Variants in SOD2 observed in about 807,000 individuals in gnomAD.
The protein encoded by SOD2 is superoxide dismutase [Mn], mitochondrial.
Under a neutral mutation model 27.0 loss-of-function variants are expected in SOD2, and 11 were observed. That is an observed-to-expected ratio of 0.41 (90% CI 0.26 to 0.67). The LOEUF is 0.67. SOD2 is among the 30% of genes least tolerant of loss of function. The pLI is 0.34. For synonymous variants in SOD2, 105 were observed against 103.0 expected, an observed-to-expected ratio of 1.02 and a Z score of -0.12; for missense variants, 250 against 274.5, an observed-to-expected ratio of 0.91 and a Z score of 0.63.
upstream of SOD2, among the ~76,000 whole-genome samples, chr6:159,693,571 C>G (rs748425496): frequency 1.1e-3 from 163 of 152,332 alleles, 1 homozygote; most frequent in Non-Finnish European, 1.6e-3. Flanking sequence ...GGCCCTGCCT[C>G]CGGCTCCGCC....
At chr6:159,748,134 CCTT>C, upstream of SOD2, 2 of 1,536,496 alleles carry the variant, frequency 1.3e-6, no homozygotes, top group Non-Finnish European at 1.8e-6. This position sits in a 1 kb window ranked among gnomAD's most constrained non-coding sequence, Gnocchi z 5.6. Context: ...GTTTTCCCCA[CCTT>C]CTTATGTATG....
upstream of SOD2, among the ~76,000 whole-genome samples, chr6:159,746,877 T>C (rs956883456): frequency 6.6e-6 from 1 of 152,202 alleles, no homozygotes; most frequent in Non-Finnish European, 1.5e-5. Flanking sequence ...GTGTTGACTA[T>C]TGGGTCTTTG....
upstream of SOD2, among the ~76,000 whole-genome samples, chr6:159,729,078 C>CA (rs1286318926): frequency 1.3e-5 from 2 of 152,156 alleles, no homozygotes; most frequent in Non-Finnish European, 2.9e-5. Context: ...AGATGAAACA[C>CA]AATGTGTAAA....
rs1284103730 is a variant in SOD2, at chr6:159,673,489, G to GA, written c.*9003dup. 7.9e-5 allele frequency: 12 copies of GA among 152,124 alleles called. No individual in the cohort carries two copies. The highest frequency in any genetic ancestry group is 5.2e-4 in the Admixed American group (8 of 15,250). 9.4% of individuals were successfully genotyped at this position (152,124 alleles called of 1,614,324 possible). ...CATGGAAACTGAACAACCTGCTCCT[G>GA]AATGACTACTGGGTACATAACAAAA... On this transcript the variant is annotated 3_prime_UTR_variant, in exon 5 of 5. Transcript: ENST00000538183.
At chr6:159,736,201 C>G in intron 1 of SOD2, 7 of 1,535,168 alleles carry the variant, frequency 4.6e-6, no homozygotes, top group Non-Finnish European at 6.2e-6. Context: ...ATTTTTTATT[C>G]CTACTTTCAC....
chr6:159,737,773 A>G (rs1180601546), intron 1 of SOD2, among the ~76,000 whole-genome samples: 2 of 152,238 alleles, frequency 1.3e-5, no homozygotes, highest in Admixed American at 6.5e-5. Context: ...GGCATGAGCC[A>G]CAATGCCCAG....
intron 1 of SOD2, chr6:159,742,130 G>A: frequency 1.2e-6 from 2 of 1,608,010 alleles, no homozygotes; most frequent in South Asian, 1.1e-5. Flanking sequence ...TGGAGGGCAA[G>A]TACACAGATC....
At chr6:159,727,003 T>G (rs1486721439) in intron 1 of SOD2, 2 of 1,264,122 alleles carry the variant, frequency 1.6e-6, no homozygotes. Context: ...CCCAGATCCC[T>G]CCGCACGAGG....
In SOD2 at chr6:159,739,372, G is replaced by A. The variant is rs531834401; in HGVS notation, c.-116+5758C>T. Among the ~76,000 whole-genome samples the A allele has an allele frequency of 1.2e-3, 178 of 152,274 alleles. 4 individuals are homozygous for A. Among genetic ancestry groups the A allele is most frequent in the South Asian group, 7.7e-3 (37 of 4,824 alleles). On this transcript the variant is annotated intron_variant, in intron 1 of 3. Coordinates refer to the SOD2 transcript ENST00000537657. ...TGGAAGAAATACATAATTTACTAATGAAGTGAGGTTACTTTTTCTTATTAG... is the reference window on the plus strand; with the variant it reads ...TGGAAGAAATACATAATTTACTAATAAAGTGAGGTTACTTTTTCTTATTAG...
At chr6:159,688,908 AAC>A (rs1481771859) in intron 2 of SOD2, among the ~76,000 whole-genome samples, 1 of 152,176 alleles carries the variant, frequency 6.6e-6, no homozygotes, top group Non-Finnish European at 1.5e-5. Context: ...AAAAAAATAA[AAC>A]ACAAGCAGAA....
At chr6:159,691,825 T>C (rs530723112) in intron 2 of SOD2, 1 of 152,294 alleles carries the variant, frequency 6.6e-6, no homozygotes, top group South Asian at 2.1e-4. Flanking sequence ...ACTAAAGGGC[T>C]ATTTTCCTTG....
At position 159,682,761 on chromosome 6, in the gene SOD2, T is replaced by G. The variant is rs1481066382; in HGVS notation, c.524-123A>C. 3 of 891,396 alleles carry G rather than the reference T, an allele frequency of 3.4e-6. No individual in the cohort carries two copies. In the East Asian group the frequency reaches 9.0e-5, roughly 27 times the overall value. 55.2% of individuals were successfully genotyped at this position (891,396 alleles called of 1,614,324 possible). A position where few individuals can be genotyped will look rare whatever the true frequency, so the allele number is the denominator to read the frequency against. On this transcript the variant is annotated intron_variant, in intron 4 of 4. Coordinates refer to ENST00000538183, the MANE Select transcript of SOD2 (RefSeq NM_000636.4). ...TACCCTTTGTAACAATCTCATTCAC[T>G]TGTTTTTTTATATAAGTAGGAAATC...
chr6:159,707,806 C>G (rs1777655980), intron 1 of SOD2, among the ~76,000 whole-genome samples: 3 of 151,934 alleles, frequency 2.0e-5, no homozygotes, highest in South Asian at 4.2e-4. Flanking sequence ...CTGGCAGAGA[C>G]ACAACAAAAA....
At chr6:159,724,292 C>T (rs780484410) in intron 1 of SOD2, among the ~76,000 whole-genome samples, 5 of 152,192 alleles carry the variant, frequency 3.3e-5, no homozygotes, top group Non-Finnish European at 7.3e-5. Flanking sequence ...CGGCCCTTTT[C>T]TGAACTTCTT....
chr6:159,687,399 T>G (rs1246385866), intron 3 of SOD2, among the ~76,000 whole-genome samples: 2 of 151,472 alleles, frequency 1.3e-5, no homozygotes, highest in African/African-American at 4.8e-5. Flanking sequence ...ACACAAGAAT[T>G]GCATGAACCT....
chr6:159,708,180 T>C (rs577273542), intron 1 of SOD2, among the ~76,000 whole-genome samples: 48 of 152,172 alleles, frequency 3.2e-4, no homozygotes, highest in African/African-American at 8.4e-4. Flanking sequence ...TGGGCAAAAA[T>C]TGGAAGCATT....
At chr6:159,712,150 AGCTG>A (rs1777805567) in intron 1 of SOD2, among the ~76,000 whole-genome samples, 2 of 34,076 alleles carry the variant, frequency 5.9e-5, no homozygotes, top group African/African-American at 1.1e-4. Context: ...ACCACCACTC[AGCTG>A]CTCTGACCAC....
chr6:159,724,859 G>GA (rs1327593720), intron 1 of SOD2, among the ~76,000 whole-genome samples: 29 of 38,768 alleles, frequency 7.5e-4, no homozygotes, highest in East Asian at 8.6e-4. Context: ...TCTCAAAAAA[G>GA]AAAAAAAAAA....
chr6:159,755,765 CTTTT>C, intron 1 of SOD2: 2,609 of 171,712 alleles, frequency 0.015, 1 homozygote, highest in African/African-American at 0.035. Context: ...TTTTTCTTTT[CTTTT>C]TTTTTTTTTT....
Sources: gnomAD v4.1 joint callset for allele counts (sites outside exome capture counted in the v4.1 genomes callset) on GRCh38, gnomAD v4.1.1 for gene constraint, Gnocchi (gnomAD v3.1) non-coding constraint, MANE v1.5 for transcripts, NCBI Gene and HGNC (gene_info 2026-07-23, HGNC 2026-07-21) for gene names.